The following DENND2A variants were observed in gnomAD, a reference collection of about 807,000 sequenced individuals.
DENND2A encodes the protein DENN domain containing 2A.
A neutral mutation model predicts 105.3 loss-of-function variants in DENND2A; 53 were observed. The observed-to-expected ratio is 0.50, with a 90% confidence interval of 0.40 to 0.63. The LOEUF (loss-of-function observed/expected upper bound fraction) is 0.63. Ranked by LOEUF, DENND2A falls within the 30% of genes least tolerant of loss-of-function variation. The probability of loss-of-function intolerance (pLI) is 0.00; values close to 1 mark genes in which losing one functional copy is unlikely to be tolerated. For missense variants in DENND2A, 1,138 were observed against 1,279.6 expected, an observed-to-expected ratio of 0.89 and a Z score of 1.69; for synonymous variants, 522 against 508.4, an observed-to-expected ratio of 1.03 and a Z score of -0.36.
Position 140,527,345 on chromosome 7 carries a change from T to A in DENND2A, c.2478A>T (p.Pro826=). 4 of 1,595,632 alleles carry A rather than the reference T, an allele frequency of 2.5e-6. No individual in the cohort carries two copies. The highest frequency in any genetic ancestry group is 3.4e-6 in the Non-Finnish European group (4 of 1,172,926). ...CTTCCAGCGGCAGCTCCCTGAGCAG[T>A]GGCAGCGAGCTGGAGAGCAGCCCGA... is the stretch of plus-strand genomic sequence containing the variant. The part of the protein sequence containing the change: ...FLIGLLSSSL[P]LLRELPLEEV... Residue 826 remains proline (P), a synonymous_variant, in exon 15 of 20, where the codon CCA becomes CCT. Coordinates refer to ENST00000496613, the MANE Select transcript of DENND2A (RefSeq NM_015689.5). The surrounding 1 kb of genome is among the most constrained non-coding windows in gnomAD (Gnocchi z 4.9).
chr7:140,553,416 C>T (rs1473827418), intron 12 of DENND2A, among the ~76,000 whole-genome samples: 3 of 152,146 alleles, frequency 2.0e-5, no homozygotes, highest in Non-Finnish European at 2.9e-5. Context: ...GGTTTTATAC[C>T]GAGACATTCC....
chr7:140,621,964 G>C (rs1356795480), intron 1 of DENND2A, among the ~76,000 whole-genome samples: 2 of 152,158 alleles, frequency 1.3e-5, no homozygotes, highest in African/African-American at 2.4e-5. Context: ...CCATAAGGAG[G>C]AGACGCCCAA....
intron 3 of DENND2A, among the ~76,000 whole-genome samples, chr7:140,592,186 C>A (rs1799083061): frequency 6.7e-6 from 1 of 149,142 alleles, no homozygotes; most frequent in South Asian, 2.2e-4. Context: ...ATTACAGGCG[C>A]CTGCCACCAC....
Position 140,559,795 on chromosome 7 carries a change from A to C in DENND2A, c.1802T>G (p.Met601Arg). 3 of 1,614,072 alleles carry C rather than the reference A, an allele frequency of 1.9e-6. No homozygotes were observed. The highest frequency in any genetic ancestry group is 2.5e-6 in the Non-Finnish European group (3 of 1,179,928). Residue 601 changes from methionine to arginine, a missense_variant, in exon 10 of 20, where the codon ATG (methionine) becomes AGG (arginine). By Grantham distance (91) the Met-to-Arg change is moderately conservative. Around this residue, in one of 2 missense-constraint regions of DENND2A, gnomAD observed 627 missense variants for 779.8 expected, o/e 0.80. Coordinates refer to ENST00000496613, the MANE Select transcript of DENND2A (RefSeq NM_015689.5). This position sits in a 1 kb window ranked among gnomAD's most constrained non-coding sequence, Gnocchi z 4.1. ...PLKLERSFKF[M>R]REAEDQLKAI... ...CTTCAGTTGGTCCTCAGCTTCTCTC[A>C]TGAACTTGAAAGACCTTTCCAACTG... is the stretch of plus-strand genomic sequence containing the variant.
chr7:140,625,213 C>T (rs544391588), intron 1 of DENND2A, among the ~76,000 whole-genome samples: 88 of 148,922 alleles, frequency 5.9e-4, no homozygotes, highest in African/African-American at 2.1e-3. Context: ...CCTGTCTCTA[C>T]TAAAAACACA....
chr7:140,619,020 G>A (rs1024353287), intron 1 of DENND2A, among the ~76,000 whole-genome samples: 1 of 152,026 alleles, frequency 6.6e-6, no homozygotes. Context: ...GGATGGTCTC[G>A]ATCTCCTGAC....
intron 14 of DENND2A, among the ~76,000 whole-genome samples, chr7:140,535,929 C>A (rs1300792393): frequency 6.6e-6 from 1 of 152,134 alleles, no homozygotes; most frequent in Non-Finnish European, 1.5e-5. Flanking sequence ...GAAGAGAGAG[C>A]AAAGGCCAGG....
In DENND2A at chr7:140,559,838, G is replaced by A. The variant is rs923824353; in HGVS notation, c.1780-21C>T. On this transcript the variant is annotated intron_variant, in intron 9 of 19. Coordinates refer to ENST00000496613, the MANE Select transcript of DENND2A (RefSeq NM_015689.5). The surrounding 1 kb of genome is among the most constrained non-coding windows in gnomAD (Gnocchi z 4.1). Reference sequence around the variant, plus strand: ...TCCAACTGCAGGGAGAAAGGTGAGAGAAAATTCGAGAACAAATCTCAGCAT... The same window carrying A: ...TCCAACTGCAGGGAGAAAGGTGAGAAAAAATTCGAGAACAAATCTCAGCAT... The A allele has an allele frequency of 3.2e-6, 5 of 1,553,942 alleles. No homozygotes were observed. Among genetic ancestry groups the A allele is most frequent in the Non-Finnish European group, 4.4e-6 (5 of 1,125,698 alleles).
intron 1 of DENND2A, among the ~76,000 whole-genome samples, chr7:140,610,430 TGAGA>T (rs1006201413): frequency 2.6e-5 from 4 of 151,834 alleles, no homozygotes; most frequent in Admixed American, 2.6e-4. Context: ...CCCTTAATTT[TGAGA>T]GAGAGAGAGA....
In DENND2A at chr7:140,521,977, C is replaced by A. The variant is rs192139201; in HGVS notation, c.2789G>T (p.Arg930Leu). 1 of 1,614,148 alleles carries A rather than the reference C, an allele frequency of 6.2e-7. No homozygotes were observed. Among genetic ancestry groups the A allele is most frequent in the Non-Finnish European group, 8.5e-7 (1 of 1,180,040 alleles). The change falls in exon 18 of 20, where the codon CGG becomes CTG. Residue 930 changes from arginine (R) to leucine (L), a missense_variant. Physicochemically the swap from Arg to Leu is moderately radical, Grantham distance 102. Coordinates refer to ENST00000496613, the MANE Select transcript of DENND2A (RefSeq NM_015689.5). Reference protein sequence around the residue: ...SGEREERTLQREAFRKAVSSK... With the variant: ...SGEREERTLQLEAFRKAVSSK... ...GGAGACAGCTTTGCGGAAGGCCTCCCGCTGCAGGGTTCTCTCCTCACGCTC... is the reference window on the plus strand; with the variant it reads ...GGAGACAGCTTTGCGGAAGGCCTCCAGCTGCAGGGTTCTCTCCTCACGCTC...
At chr7:140,541,980 CT>C (rs932268351) in intron 14 of DENND2A, among the ~76,000 whole-genome samples, 14 of 151,584 alleles carry the variant, frequency 9.2e-5, no homozygotes, top group Non-Finnish European at 1.6e-4. Flanking sequence ...TCTTCTATGC[CT>C]TTTTTTTTCC....
rs1198030115 is a variant in DENND2A at position 140,601,618 on chromosome 7, C to T, written c.780G>A (p.Lys260=). The T allele has an allele frequency of 1.2e-6, 2 of 1,613,488 alleles. No homozygotes were observed. The highest frequency in any genetic ancestry group is 1.1e-5 in the South Asian group (1 of 91,000). ...VYRGSEGSPT[K]PFINPLPKPR... is the part of the protein sequence containing the mutation. ...GTTTTGGCAGAGGGTTGATGAAGGGCTTTGTGGGGGAACCCTCCGAGCCCC... is the reference window on the plus strand; with the variant it reads ...GTTTTGGCAGAGGGTTGATGAAGGGTTTTGTGGGGGAACCCTCCGAGCCCC... Residue 260 remains lysine, a synonymous_variant, in exon 3 of 20, where the codon AAG becomes AAA. Coordinates refer to ENST00000496613, the MANE Select transcript of DENND2A (RefSeq NM_015689.5).
At chr7:140,534,186 G>A (rs1404698392) in intron 14 of DENND2A, among the ~76,000 whole-genome samples, 1 of 148,596 alleles carries the variant, frequency 6.7e-6, no homozygotes, top group African/African-American at 2.5e-5. Flanking sequence ...CAGGGTTCAA[G>A]TGATTCTCCT....
At chr7:140,532,990 G>GTTT (rs1796319684) in intron 14 of DENND2A, among the ~76,000 whole-genome samples, 2 of 122,092 alleles carry the variant, frequency 1.6e-5, no homozygotes, top group African/African-American at 6.6e-5. Flanking sequence ...AAGGCTACCT[G>GTTT]CTTTTTTTTT....
At chr7:140,576,276 A>C (rs1238071289) in intron 5 of DENND2A, among the ~76,000 whole-genome samples, 2 of 152,090 alleles carry the variant, frequency 1.3e-5, no homozygotes, top group Non-Finnish European at 2.9e-5. Context: ...TTATATGAAA[A>C]TGTGTTAATC....
intron 9 of DENND2A, among the ~76,000 whole-genome samples, chr7:140,560,705 G>T (rs1241186422): frequency 1.3e-5 from 2 of 152,066 alleles, no homozygotes; most frequent in African/African-American, 4.8e-5. Context: ...GCTGAGGTGG[G>T]TGAATCACCT....
intron 1 of DENND2A, among the ~76,000 whole-genome samples, chr7:140,633,236 G>A (rs1004422047): frequency 3.9e-4 from 60 of 151,944 alleles, no homozygotes; most frequent in African/African-American, 1.4e-3. Context: ...CACCATGTTA[G>A]CCAGGATGGT....
intron 1 of DENND2A, among the ~76,000 whole-genome samples, chr7:140,634,109 C>T (rs1800834519): frequency 6.6e-6 from 1 of 151,946 alleles, no homozygotes; most frequent in Non-Finnish European, 1.5e-5. Flanking sequence ...CACCATTGTC[C>T]TGCCTCAGCC....
rs1799030400 is a variant in DENND2A, at chr7:140,591,681, C to CTT, written c.996-3903_996-3902dup. On this transcript the variant is annotated intron_variant, in intron 3 of 19. Transcript: ENST00000496613. ...TTTCTTTCTTTCTTTCTCTTTCTTTCTTTCTTTCTTTCCTTCCTTCCTTCC... is the reference window on the plus strand; with the variant it reads ...TTTCTTTCTTTCTTTCTCTTTCTTTCTTTTTCTTTCTTTCCTTCCTTCCTTCC... Among the ~76,000 whole-genome samples the CTT allele has an allele frequency of 2.8e-5, 4 of 141,450 alleles. No individual in the cohort carries two copies. In the South Asian group the frequency reaches 9.0e-4, roughly 32 times the overall value. 92.8% of individuals were successfully genotyped at this position (141,450 alleles called of 152,430 possible). A position where few individuals can be genotyped will look rare whatever the true frequency, so the allele number is the denominator to read the frequency against.
Sources: gnomAD v4.1 joint callset for allele counts (sites outside exome capture counted in the v4.1 genomes callset) on GRCh38, gnomAD v4.1.1 for gene constraint, gnomAD v4.1.1 regional missense constraint, Gnocchi (gnomAD v3.1) non-coding constraint, MANE v1.5 for transcripts, NCBI Gene and HGNC (gene_info 2026-07-23, HGNC 2026-07-21) for gene names.